The following PCDH15 variants were observed in gnomAD, a reference collection of about 807,000 sequenced individuals.
The protein encoded by PCDH15 is protocadherin-15.
A neutral mutation model predicts 178.5 loss-of-function variants in PCDH15; 129 were observed. The observed-to-expected ratio is 0.72, with a 90% CI of 0.63 to 0.84. The LOEUF is 0.84. PCDH15 is among the 40% of genes least tolerant of loss of function. The probability of loss-of-function intolerance (pLI) is 0.00; values close to 1 mark genes in which losing one functional copy is unlikely to be tolerated. For missense variants in PCDH15, 2,230 were observed against 2,099.9 expected, an observed-to-expected ratio of 1.06 and a Z score of -1.21; for synonymous variants, 800 against 732.0, an observed-to-expected ratio of 1.09 and a Z score of -1.50.
chr10:55,330,944 G>T (rs901624079), intron 2 of PCDH15, among the ~76,000 whole-genome samples: 1 of 151,024 alleles, frequency 6.6e-6, no homozygotes, highest in African/African-American at 2.4e-5. Context: ...AAAATGCTTT[G>T]CAGACTCAGG....
intron 2 of PCDH15, among the ~76,000 whole-genome samples, chr10:55,448,154 A>G (rs80082125): frequency 0.04 from 6,086 of 152,150 alleles, 370 homozygotes; most frequent in East Asian, 0.29. Context: ...ACTAAAATAC[A>G]AAGTGAAAAA....
intron 29 of PCDH15, among the ~76,000 whole-genome samples, chr10:53,833,625 G>A (rs1479621298): frequency 6.6e-6 from 1 of 151,586 alleles, no homozygotes; most frequent in Non-Finnish European, 1.5e-5. Context: ...AACATATTCA[G>A]ATACTATTCA....
At chr10:54,944,918 T>G (rs1201233590) in intron 2 of PCDH15, among the ~76,000 whole-genome samples, 2 of 151,990 alleles carry the variant, frequency 1.3e-5, no homozygotes, top group African/African-American at 2.4e-5. Flanking sequence ...AATTTTTTTT[T>G]CAATTTGTTT....
chr10:54,925,932 T>G (rs1837611082), intron 2 of PCDH15, among the ~76,000 whole-genome samples: 1 of 152,102 alleles, frequency 6.6e-6, no homozygotes, highest in South Asian at 2.1e-4. Flanking sequence ...TATTTGGATG[T>G]GTTTATTTGT....
At chr10:55,106,020 G>C (rs114913010) in intron 2 of PCDH15, among the ~76,000 whole-genome samples, 6,167 of 151,240 alleles carry the variant, frequency 0.041, 299 homozygotes, top group East Asian at 0.15. Context: ...TTATTCATCT[G>C]TATTATAAGT....
chr10:54,765,908 A>G (rs1372112973), intron 1 of PCDH15, among the ~76,000 whole-genome samples: 1 of 152,160 alleles, frequency 6.6e-6, no homozygotes, highest in Non-Finnish European at 1.5e-5. Context: ...ATTACTTTTC[A>G]TGCTTCACAT....
rs537639700 is a variant in PCDH15 at position 54,958,070 on chromosome 10, T to C, written c.-79-60570A>G. ...CTCCTATTCTCAAATTTGCTGTCCCTAGAGATTCAAAGTTCTTTTAATTTG... is the reference window on the plus strand; with the variant it reads ...CTCCTATTCTCAAATTTGCTGTCCCCAGAGATTCAAAGTTCTTTTAATTTG... On this transcript the variant is annotated intron_variant, in intron 2 of 5. Transcript: ENST00000458638. Among the ~76,000 whole-genome samples, 50 of 151,920 alleles carry C rather than the reference T, an allele frequency of 3.3e-4. No homozygotes were observed. The South Asian group carries it at 0.01, about 32-fold the overall frequency.
At chr10:53,908,375 G>C (rs1477754788) in intron 25 of PCDH15, among the ~76,000 whole-genome samples, 1 of 152,206 alleles carries the variant, frequency 6.6e-6, no homozygotes, top group Non-Finnish European at 1.5e-5. Flanking sequence ...GTTTCCAAAT[G>C]CTATAGTAAT....
chr10:55,409,730 C>G (rs1414932734), intron 2 of PCDH15, among the ~76,000 whole-genome samples: 1 of 152,094 alleles, frequency 6.6e-6, no homozygotes, highest in African/African-American at 2.4e-5. Context: ...ATACACAGCT[C>G]TGTGTATTTA....
chr10:55,481,644 T>C (rs1433913089), intron 2 of PCDH15, among the ~76,000 whole-genome samples: 1 of 151,936 alleles, frequency 6.6e-6, no homozygotes, highest in Non-Finnish European at 1.5e-5. Context: ...TTGTATAGTT[T>C]TGAGTAAATT....
intron 2 of PCDH15, among the ~76,000 whole-genome samples, chr10:54,952,729 C>A (rs950531506): frequency 6.6e-6 from 1 of 151,516 alleles, no homozygotes; most frequent in Non-Finnish European, 1.5e-5. Context: ...AGATTTTTTA[C>A]CCAAGTATTT....
At chr10:54,139,241 C>T (rs1450989008) in intron 14 of PCDH15, among the ~76,000 whole-genome samples, 1 of 151,494 alleles carries the variant, frequency 6.6e-6, no homozygotes, top group Non-Finnish European at 1.5e-5. Flanking sequence ...GAGTTAATGG[C>T]AAAAATACCC....
At chr10:55,467,966 C>CA (rs71463104) in intron 2 of PCDH15, among the ~76,000 whole-genome samples, 17,688 of 36,304 alleles carry the variant, frequency 0.49, 4,832 homozygotes, top group East Asian at 0.77. Flanking sequence ...GACTCCGTCT[C>CA]AAAAAAAAAA....
At chr10:53,827,052 AT>A (rs1344219392) in intron 32 of PCDH15, among the ~76,000 whole-genome samples, 5 of 151,618 alleles carry the variant, frequency 3.3e-5, no homozygotes, top group African/African-American at 1.2e-4. Flanking sequence ...ATCTATTTAT[AT>A]ATTTATACAT....
At chr10:53,843,104 A>G (rs1463789752) in intron 28 of PCDH15, among the ~76,000 whole-genome samples, 1 of 152,232 alleles carries the variant, frequency 6.6e-6, no homozygotes, top group Admixed American at 6.5e-5. Context: ...TCATGAATAA[A>G]AGAAGTCTAA....
chr10:54,852,342 T>TA (rs1322832939), intron 3 of PCDH15, among the ~76,000 whole-genome samples: 1 of 152,108 alleles, frequency 6.6e-6, no homozygotes, highest in African/African-American at 2.4e-5. Flanking sequence ...CTTTCAGTAA[T>TA]ATATAACCTG....
At chr10:54,260,929 G>A (rs537395168) in intron 8 of PCDH15, among the ~76,000 whole-genome samples, 185 of 152,170 alleles carry the variant, frequency 1.2e-3, no homozygotes, top group African/African-American at 4.1e-3. Context: ...CACCATGCCC[G>A]GCCTGATTTT....
chr10:54,133,892 TAC>T (rs1385977375), intron 14 of PCDH15, among the ~76,000 whole-genome samples: 1 of 138,232 alleles, frequency 7.2e-6, no homozygotes, highest in African/African-American at 2.5e-5. Flanking sequence ...TACACATATA[TAC>T]ACACACATAT....
At chr10:55,330,627 G>A (rs547568177) in intron 2 of PCDH15, among the ~76,000 whole-genome samples, 46 of 151,728 alleles carry the variant, frequency 3.0e-4, no homozygotes, top group Admixed American at 7.2e-4. Flanking sequence ...TACATGACAG[G>A]TTTACAATTT....
Sources: gnomAD v4.1 joint callset for allele counts (sites outside exome capture counted in the v4.1 genomes callset) on GRCh38, gnomAD v4.1.1 for gene constraint, MANE v1.5 for transcripts, NCBI Gene and HGNC (gene_info 2026-07-23, HGNC 2026-07-21) for gene names.